NKAIN2: variants seen among roughly 807,000 people sequenced by gnomAD.
NKAIN2 encodes the protein sodium/potassium transporting ATPase interacting 2, also known as sodium/potassium-transporting ATPase subunit beta-1-interacting protein 2.
In NKAIN2, 14 loss-of-function variants were observed where a neutral mutation model predicts 32.6. The observed-to-expected ratio is 0.43, with a 90% CI of 0.28 to 0.67. The LOEUF (loss-of-function observed/expected upper bound fraction) is 0.67, where lower values mean the gene tolerates loss of function less well. NKAIN2 is among the 30% of genes least tolerant of loss of function. The pLI, the probability that NKAIN2 is intolerant of heterozygous loss-of-function variation, is 0.17. For missense variants in NKAIN2, 198 were observed against 258.3 expected (o/e 0.77, Z 1.60); for synonymous variants, 80 against 87.2 (o/e 0.92, Z 0.46).
intron 3 of NKAIN2, among the ~76,000 whole-genome samples, chr6:124,504,353 TC>T: frequency 6.6e-6 from 1 of 152,204 alleles, no homozygotes; most frequent in East Asian, 1.9e-4. Flanking sequence ...CCTTTGTTCT[TC>T]TTTTCCACAC....
At chr6:124,593,008 T>C (rs1781965483) in intron 3 of NKAIN2, among the ~76,000 whole-genome samples, 1 of 152,172 alleles carries the variant, frequency 6.6e-6, no homozygotes, top group South Asian at 2.1e-4. Context: ...CCTACTAACA[T>C]TCTCCCACTG....
At chr6:123,890,792 A>T (rs887215636) in intron 1 of NKAIN2, among the ~76,000 whole-genome samples, 2 of 152,140 alleles carry the variant, frequency 1.3e-5, no homozygotes, top group African/African-American at 4.8e-5. Context: ...AAACAGTTAA[A>T]CATAGAATTA....
intron 1 of NKAIN2, among the ~76,000 whole-genome samples, chr6:123,873,339 A>C (rs1772998898): frequency 6.6e-6 from 1 of 152,148 alleles, no homozygotes. Context: ...GAAAATCTGA[A>C]AGAAATTTAT....
chr6:124,207,734 T>C (rs1790967513), intron 1 of NKAIN2, among the ~76,000 whole-genome samples: 1 of 151,918 alleles, frequency 6.6e-6, no homozygotes, highest in African/African-American at 2.4e-5. Flanking sequence ...GTGAGGACTA[T>C]CTGTTTTGAA....
chr6:124,141,816 A>G (rs1379952105), intron 1 of NKAIN2, among the ~76,000 whole-genome samples: 2 of 152,130 alleles, frequency 1.3e-5, no homozygotes, highest in African/African-American at 4.8e-5. Flanking sequence ...GTTCACAATT[A>G]CCATGTCTTC....
chr6:123,874,724 AT>A (rs1159017782), intron 1 of NKAIN2, among the ~76,000 whole-genome samples: 4 of 152,048 alleles, frequency 2.6e-5, no homozygotes, highest in African/African-American at 9.7e-5. Context: ...CCTATAAAAT[AT>A]TTTTATCACT....
chr6:124,190,376 T>C (rs1249439288), intron 1 of NKAIN2, among the ~76,000 whole-genome samples: 1 of 152,224 alleles, frequency 6.6e-6, no homozygotes. Flanking sequence ...AATTCCAACC[T>C]TGGCATCATG....
chr6:124,693,463 C>T (rs150076590), intron 4 of NKAIN2, among the ~76,000 whole-genome samples: 27 of 152,226 alleles, frequency 1.8e-4, no homozygotes, highest in African/African-American at 6.3e-4. Context: ...AAATGATTCA[C>T]GACTGTTTAC....
intron 1 of NKAIN2, among the ~76,000 whole-genome samples, chr6:124,018,543 A>G (rs910724116): frequency 6.6e-6 from 1 of 152,110 alleles, no homozygotes; most frequent in Non-Finnish European, 1.5e-5. Context: ...ACTCTAAATC[A>G]TCTATCTTAA....
chr6:124,456,669 T>G (rs1308471053), intron 3 of NKAIN2, among the ~76,000 whole-genome samples: 4 of 151,882 alleles, frequency 2.6e-5, no homozygotes, highest in Admixed American at 1.3e-4. Context: ...TAAAACTATT[T>G]TATACTTTAT....
intron 1 of NKAIN2, among the ~76,000 whole-genome samples, chr6:124,155,550 T>A (rs1253982713): frequency 6.6e-6 from 1 of 151,156 alleles, no homozygotes; most frequent in Non-Finnish European, 1.5e-5. Flanking sequence ...AAAATGAGAG[T>A]CTTATTTAGG....
In NKAIN2 at chr6:124,118,335, A is replaced by G. The variant is rs534262091; in HGVS notation, c.55-164670A>G. Among the ~76,000 whole-genome samples the G allele has an allele frequency of 1.2e-4, 18 of 152,344 alleles. 1 individual carries two copies. The highest frequency in any genetic ancestry group is 2.5e-4 in the Non-Finnish European group (17 of 68,028). On this transcript the variant is annotated intron_variant, in intron 1 of 6. Transcript: ENST00000368417. Reference sequence around the variant, plus strand: ...ACACTAGGAAACTCAAATGAAGCCGAGATTAAATTTAGAAAGTAGAAAGGG... The same window carrying G: ...ACACTAGGAAACTCAAATGAAGCCGGGATTAAATTTAGAAAGTAGAAAGGG...
intron 2 of NKAIN2, among the ~76,000 whole-genome samples, chr6:124,285,887 G>A (rs1343977068): frequency 6.6e-6 from 1 of 152,042 alleles, no homozygotes; most frequent in Admixed American, 6.6e-5. Flanking sequence ...AAAAGAAAAT[G>A]TTATTAAAGG....
intron 3 of NKAIN2, among the ~76,000 whole-genome samples, chr6:124,371,676 A>G (rs1360248604): frequency 7.1e-6 from 1 of 141,508 alleles, no homozygotes; most frequent in Non-Finnish European, 1.5e-5. Flanking sequence ...CCTGGGGGAG[A>G]GAGCAAGACT....
chr6:124,791,604 T>C (rs1779750574), intron 5 of NKAIN2, among the ~76,000 whole-genome samples: 2 of 152,130 alleles, frequency 1.3e-5, no homozygotes, highest in South Asian at 4.1e-4. Context: ...TTTGAAAACA[T>C]AACTTCTTTC....
At chr6:124,744,500 C>T (rs923375954) in intron 4 of NKAIN2, among the ~76,000 whole-genome samples, 3 of 151,578 alleles carry the variant, frequency 2.0e-5, no homozygotes, top group South Asian at 4.2e-4. Flanking sequence ...TAAGTAGGTC[C>T]GAATCTATTT....
chr6:124,348,237 C>T (rs186664284), intron 2 of NKAIN2, among the ~76,000 whole-genome samples: 25 of 151,814 alleles, frequency 1.6e-4, no homozygotes, highest in African/African-American at 5.8e-4. Context: ...AGGTGTCAGT[C>T]TGCCCCCACT....
At chr6:124,644,505 A>C (rs1475536573) in intron 3 of NKAIN2, among the ~76,000 whole-genome samples, 1 of 151,972 alleles carries the variant, frequency 6.6e-6, no homozygotes, top group South Asian at 2.1e-4. Context: ...CCCGGGTTCA[A>C]GCGATTCTCC....
At chr6:124,405,876 A>AT (rs1773835471) in intron 3 of NKAIN2, among the ~76,000 whole-genome samples, 1 of 152,214 alleles carries the variant, frequency 6.6e-6, no homozygotes, top group Non-Finnish European at 1.5e-5. Context: ...ACACTACTTC[A>AT]TTACTAGGGC....
Sources: allele counts gnomAD v4.1 joint callset (sites outside exome capture counted in the v4.1 genomes callset), GRCh38; gene constraint gnomAD v4.1.1; transcripts MANE v1.5; gene names NCBI Gene and HGNC (gene_info 2026-07-23, HGNC 2026-07-21).